GLUD1: variants seen among roughly 807,000 people sequenced by gnomAD.
The protein encoded by GLUD1 is glutamate dehydrogenase 1, also known as glutamate dehydrogenase 1, mitochondrial.
A neutral mutation model predicts 56.0 loss-of-function variants in GLUD1; 22 were observed. The ratio of observed to expected loss-of-function variants is 0.39; its 90% CI spans 0.28 to 0.56. GLUD1 has a LOEUF of 0.56. Ranked by LOEUF, GLUD1 falls within the 20% of genes least tolerant of loss-of-function variation. GLUD1 has a pLI of 0.58. For synonymous variants in GLUD1, 223 were observed against 269.9 expected (o/e 0.83, Z 1.70); for missense variants, 451 against 732.0 (o/e 0.62, Z 4.43).
intron 2 of GLUD1, 118 bp from the exon 3 acceptor site, chr10:87,076,141 A>C (rs886463252): frequency 1.3e-6 from 1 of 792,876 alleles, no homozygotes; most frequent in African/African-American, 1.7e-5. Flanking sequence ...CTGAAAATTC[A>C]AGAAATAAAC....
chr10:87,051,933 A>C, intron 12 of GLUD1, 63 bp from the exon 13 acceptor site: 2 of 1,598,372 alleles, frequency 1.3e-6, no homozygotes, highest in Non-Finnish European at 1.7e-6. Context: ...CCATAAACAC[A>C]CAAGGCCCAG....
chr10:87,068,084 A>G lies in GLUD1; in HGVS notation c.720T>C (p.Tyr240=). 1 of 1,610,696 alleles carries G rather than the reference A, an allele frequency of 6.2e-7. No individual in the cohort carries two copies. Among genetic ancestry groups the G allele is most frequent in the East Asian group, 2.2e-5 (1 of 44,866 alleles). ...EREMSWIADT[Y]ASTIGHYDIN... is the part of the protein sequence containing the mutation. The stretch of plus-strand genomic sequence containing the variant: ...TCACATAGTGCCCTATGGTGCTGGC[A>G]TAGGTATCAGCGATCCAGGACATCT... Residue 240 remains tyrosine (Y), a synonymous_variant, in exon 5 of 13, where the codon TAT becomes TAC. Coordinates refer to ENST00000277865, the MANE Select transcript of GLUD1 (RefSeq NM_005271.5).
At chr10:87,056,619 C>A (rs146480016) in intron 11 of GLUD1, among the ~76,000 whole-genome samples, 1 of 152,040 alleles carries the variant, frequency 6.6e-6, no homozygotes, top group African/African-American at 2.4e-5. Flanking sequence ...ATAACATCAT[C>A]GTGCATGGAG....
intron 5 of GLUD1, among the ~76,000 whole-genome samples, chr10:87,066,405 C>T (rs77933594): frequency 6.6e-6 from 1 of 152,326 alleles, no homozygotes; most frequent in African/African-American, 2.4e-5. Flanking sequence ...CTCATGGTCA[C>T]CTACCAAGCA....
intron 3 of GLUD1, among the ~76,000 whole-genome samples, chr10:87,075,175 A>G (rs1846352627): frequency 6.6e-6 from 1 of 152,116 alleles, no homozygotes; most frequent in African/African-American, 2.4e-5. Context: ...GTGAAATCTC[A>G]GCCAACCTCT....
chr10:87,071,874 A>G (rs1278541685), intron 4 of GLUD1, among the ~76,000 whole-genome samples: 4 of 152,238 alleles, frequency 2.6e-5, no homozygotes, highest in African/African-American at 9.6e-5. Context: ...CTTCTATGTA[A>G]GACTTCTACA....
intron 3 of GLUD1, among the ~76,000 whole-genome samples, chr10:87,075,328 T>C (rs541233610): frequency 6.6e-6 from 1 of 152,244 alleles, no homozygotes; most frequent in South Asian, 2.1e-4. Context: ...TATATAAATA[T>C]GGGTATAAGT....
rs562449276 is a variant in GLUD1, at chr10:87,065,268, G to A, written c.742-2433C>T. 8.5e-5 allele frequency among the ~76,000 whole-genome samples: 7 copies of A among 82,780 alleles called. No individual in the cohort carries two copies. In the East Asian group the frequency reaches 1.6e-3, roughly 19 times the overall value. The allele number at this position is 82,780 out of a possible 152,430, so 54.3% of individuals were successfully genotyped here. A position where few individuals can be genotyped will look rare whatever the true frequency, so the allele number is the denominator to read the frequency against. On this transcript the variant is annotated intron_variant, in intron 5 of 12. Coordinates refer to ENST00000277865, the MANE Select transcript of GLUD1 (RefSeq NM_005271.5). ...AGATCGGGTGACAGAGTGAGACTCCGTCTCAAAAAAAAAAAAAAAAAAAAA... is the reference window on the plus strand; with the variant it reads ...AGATCGGGTGACAGAGTGAGACTCCATCTCAAAAAAAAAAAAAAAAAAAAA...
intron 5 of GLUD1, among the ~76,000 whole-genome samples, chr10:87,065,401 C>T (rs1011268936): frequency 2.0e-5 from 3 of 152,050 alleles, no homozygotes; most frequent in Non-Finnish European, 4.4e-5. Context: ...GCCACTATGC[C>T]CAGCTGGTCT....
At chr10:87,075,516 A>C (rs963710480) in intron 3 of GLUD1, among the ~76,000 whole-genome samples, 3 of 152,240 alleles carry the variant, frequency 2.0e-5, no homozygotes, top group Admixed American at 6.5e-5. Context: ...TTAATTCTTT[A>C]CATTTTTCTA....
intron 12 of GLUD1, 138 bp downstream of exon 12, chr10:87,053,204 T>A: frequency 1.4e-6 from 1 of 700,548 alleles, no homozygotes; most frequent in East Asian, 2.6e-5. Flanking sequence ...AAAAAACATG[T>A]GTTTTGCTAC....
At chr10:87,089,848 A>G (rs1442904037) in intron 1 of GLUD1, 1 of 329,902 alleles carries the variant, frequency 3.0e-6, no homozygotes, top group African/African-American at 2.2e-5. Flanking sequence ...CAGCGGCATT[A>G]GATTTAAGAC....
intron 10 of GLUD1, among the ~76,000 whole-genome samples, chr10:87,058,934 C>T (rs910263335): frequency 2.6e-5 from 4 of 152,082 alleles, no homozygotes; most frequent in African/African-American, 9.7e-5. Context: ...GTGAATATTA[C>T]ATCACAGAAT....
Position 87,059,147 on chromosome 10 carries a change from C to G in GLUD1, c.1402+3G>C. 1 of 1,612,590 alleles carries G rather than the reference C, an allele frequency of 6.2e-7. No homozygotes were observed. Among genetic ancestry groups the G allele is most frequent in the Non-Finnish European group, 8.5e-7 (1 of 1,179,982 alleles). On this transcript the variant is annotated splice_donor_region_variant and intron_variant, in intron 10 of 12. Coordinates refer to ENST00000277865, the MANE Select transcript of GLUD1 (RefSeq NM_005271.5). ...TTTGGCGAACAAGATTATCGATACTCACTGAGCAAGTGGTAGTTAGAATCC... is the reference window on the plus strand; with the variant it reads ...TTTGGCGAACAAGATTATCGATACTGACTGAGCAAGTGGTAGTTAGAATCC...
chr10:87,065,725 C>A (rs1316143801), intron 5 of GLUD1, among the ~76,000 whole-genome samples: 5 of 152,214 alleles, frequency 3.3e-5, no homozygotes, highest in East Asian at 1.9e-4. Context: ...GTAATACCTA[C>A]AGATATTTAT....
intron 1 of GLUD1, chr10:87,092,708 A>G (rs1315102228): frequency 2.5e-6 from 1 of 396,730 alleles, no homozygotes; most frequent in African/African-American, 2.2e-5. Context: ...GCAGAAAACC[A>G]CATACACTGA....
At chr10:87,073,516 T>C (rs1846296838) in intron 4 of GLUD1, among the ~76,000 whole-genome samples, 1 of 151,486 alleles carries the variant, frequency 6.6e-6, no homozygotes, top group African/African-American at 2.4e-5. Context: ...TAGAGAAAAA[T>C]ACACTTTATT....
chr10:87,083,816 TACAC>T (rs10535860), intron 1 of GLUD1, among the ~76,000 whole-genome samples: 2,173 of 151,008 alleles, frequency 0.014, 54 homozygotes, highest in African/African-American at 0.049. Flanking sequence ...ATCCCATCTC[TACAC>T]ACACACACAC....
At chr10:87,076,686 G>A (rs769081146) in intron 1 of GLUD1, 30 bp from the exon 2 acceptor site, 7 of 1,303,030 alleles carry the variant, frequency 5.4e-6, no homozygotes, top group Middle Eastern at 1.8e-4. Flanking sequence ...AATGTGTTGG[G>A]GTGGGTGAGA....
Sources: gnomAD v4.1 joint callset for allele counts (sites outside exome capture counted in the v4.1 genomes callset) on GRCh38, gnomAD v4.1.1 for gene constraint, MANE v1.5 for transcripts, NCBI Gene and HGNC (gene_info 2026-07-23, HGNC 2026-07-21) for gene names.